SDK1: variants seen among roughly 807,000 people sequenced by gnomAD.
SDK1 encodes protein sidekick-1.
In SDK1, 157 loss-of-function variants were observed where a neutral mutation model predicts 245.5. That is an observed-to-expected ratio of 0.64 (90% CI 0.56 to 0.73). The LOEUF (loss-of-function observed/expected upper bound fraction) is 0.73. SDK1 is among the 30% of genes least tolerant of loss of function. The probability of loss-of-function intolerance (pLI) is 0.00; values close to 1 mark genes in which losing one functional copy is unlikely to be tolerated. For synonymous variants in SDK1, 1,647 were observed against 1,278.5 expected (o/e 1.29, Z -6.15); for missense variants, 3,583 against 3,002.3 (o/e 1.19, Z -4.52).
rs146619520 is a variant in SDK1 at position 3,305,556 on chromosome 7, A to G, written c.298+3672A>G. ...GGCCCATGTTGCTTTCCATTAATCC[A>G]GAAGTACTTTGCTTCCCCTCCTCCT... On this transcript the variant is annotated intron_variant, in intron 1 of 44. Coordinates refer to ENST00000404826, the MANE Select transcript of SDK1 (RefSeq NM_152744.4). Among the ~76,000 whole-genome samples, 10 of 152,318 alleles carry G rather than the reference A, an allele frequency of 6.6e-5. No individual in the cohort carries two copies. The East Asian group carries it at 1.9e-3, about 29-fold the overall frequency.
chr7:3,407,655 A>G (rs1371260948), intron 1 of SDK1, among the ~76,000 whole-genome samples: 1 of 152,210 alleles, frequency 6.6e-6, no homozygotes, highest in Non-Finnish European at 1.5e-5. Context: ...ATAAAATATT[A>G]TAAACTCCCA....
chr7:4,180,425 GCCCA>G (rs1782535566), intron 35 of SDK1, among the ~76,000 whole-genome samples: 1 of 141,496 alleles, frequency 7.1e-6, no homozygotes, highest in Non-Finnish European at 1.5e-5. Flanking sequence ...TATGCCCAGC[GCCCA>G]GCTCCAGCTC....
chr7:4,127,180 C>T (rs1784442366), intron 25 of SDK1, among the ~76,000 whole-genome samples: 1 of 152,082 alleles, frequency 6.6e-6, no homozygotes, highest in Non-Finnish European at 1.5e-5. Flanking sequence ...CTGCTAAGTA[C>T]CCAGGATTTA....
chr7:3,323,509 T>G (rs1779868929), intron 1 of SDK1, among the ~76,000 whole-genome samples: 2 of 152,164 alleles, frequency 1.3e-5, no homozygotes, highest in Non-Finnish European at 2.9e-5. Context: ...CATGTTCAGT[T>G]CCTGTGGCTG....
intron 30 of SDK1, among the ~76,000 whole-genome samples, chr7:4,156,385 T>A (rs1780737727): frequency 6.6e-6 from 1 of 152,068 alleles, no homozygotes; most frequent in African/African-American, 2.4e-5. Flanking sequence ...CAAAGGTCAT[T>A]TTTATGGTCG....
intron 23 of SDK1, 37 bp downstream of exon 23, chr7:4,110,809 C>G (rs754569847): frequency 6.9e-7 from 1 of 1,443,488 alleles, no homozygotes; most frequent in Admixed American, 1.7e-5. Context: ...CAGGAGGAAA[C>G]ACTGGCAGCC....
chr7:3,388,935 A>C (rs1781676705), intron 1 of SDK1, among the ~76,000 whole-genome samples: 1 of 152,172 alleles, frequency 6.6e-6, no homozygotes. Context: ...AACAAATGAG[A>C]GAATACAATT....
intron 38 of SDK1, among the ~76,000 whole-genome samples, chr7:4,210,706 A>G (rs1382472465): frequency 1.3e-5 from 2 of 152,228 alleles, no homozygotes; most frequent in African/African-American, 4.8e-5. Flanking sequence ...GACATGCTCC[A>G]GATGCTGGAA....
At chr7:3,517,403 A>G (rs1782787919) in intron 1 of SDK1, among the ~76,000 whole-genome samples, 1 of 152,130 alleles carries the variant, frequency 6.6e-6, no homozygotes. Context: ...TAAATTCTGT[A>G]GAGTATTAGA....
chr7:4,199,878 C>G (rs1233746061), intron 35 of SDK1, among the ~76,000 whole-genome samples: 1 of 152,168 alleles, frequency 6.6e-6, no homozygotes, highest in Non-Finnish European at 1.5e-5. Flanking sequence ...ATGCACAGTT[C>G]TAGAATTCTG....
intron 1 of SDK1, among the ~76,000 whole-genome samples, chr7:3,554,671 T>G (rs968745547): frequency 1.2e-4 from 18 of 152,198 alleles, no homozygotes; most frequent in African/African-American, 3.6e-4. Context: ...GTAGGAGAGA[T>G]AGTCTTCAAT....
intron 35 of SDK1, among the ~76,000 whole-genome samples, chr7:4,186,516 C>T (rs1322104819): frequency 2.0e-5 from 3 of 152,216 alleles, no homozygotes; most frequent in African/African-American, 4.8e-5. Flanking sequence ...GTTCCCTCGA[C>T]CCTTAGCTCG....
chr7:3,319,297 A>G (rs934766335), intron 1 of SDK1, among the ~76,000 whole-genome samples: 3 of 152,154 alleles, frequency 2.0e-5, no homozygotes, highest in Non-Finnish European at 4.4e-5. Context: ...CTCATTTGAC[A>G]CAAGCTGTCA....
At chr7:3,542,680 G>A (rs1779089568) in intron 1 of SDK1, among the ~76,000 whole-genome samples, 1 of 152,148 alleles carries the variant, frequency 6.6e-6, no homozygotes, top group Non-Finnish European at 1.5e-5. Context: ...TATTGGCTAT[G>A]CCTTACAGTA....
chr7:3,324,516 A>G (rs973525339), intron 1 of SDK1, among the ~76,000 whole-genome samples: 1 of 152,106 alleles, frequency 6.6e-6, no homozygotes, highest in African/African-American at 2.4e-5. Context: ...TGGCTCTTGG[A>G]AGTTTGTTTG....
intron 2 of SDK1, among the ~76,000 whole-genome samples, chr7:3,624,958 G>A (rs1197343757): frequency 6.6e-6 from 1 of 152,108 alleles, no homozygotes; most frequent in Non-Finnish European, 1.5e-5. Flanking sequence ...AGAATCCCTT[G>A]AACCCGGGAG....
At chr7:3,398,644 ATTTTATTTTTAT>A (rs532606744) in intron 1 of SDK1, among the ~76,000 whole-genome samples, 1 of 150,384 alleles carries the variant, frequency 6.6e-6, no homozygotes, top group African/African-American at 2.5e-5. Flanking sequence ...TTTATTTATT[ATTTTATTTTTAT>A]TTTTATTTAT....
chr7:4,048,246 C>T (rs1035311372), intron 17 of SDK1, among the ~76,000 whole-genome samples: 1 of 152,152 alleles, frequency 6.6e-6, no homozygotes, highest in African/African-American at 2.4e-5. Context: ...TTAGAACAAG[C>T]ACCTGAAGAA....
chr7:3,488,688 C>A (rs1369060239), intron 1 of SDK1, among the ~76,000 whole-genome samples: 1 of 152,138 alleles, frequency 6.6e-6, no homozygotes, highest in Non-Finnish European at 1.5e-5. Context: ...CATTTATTAT[C>A]TACATAAGAA....
Sources: allele counts gnomAD v4.1 joint callset (sites outside exome capture counted in the v4.1 genomes callset), GRCh38; gene constraint gnomAD v4.1.1; transcripts MANE v1.5; gene names NCBI Gene and HGNC (gene_info 2026-07-23, HGNC 2026-07-21).